Variants in ABCA6 observed in about 807,000 individuals in gnomAD.
ABCA6 encodes ATP binding cassette subfamily A member 6.
In ABCA6, 164 loss-of-function variants were observed where a neutral mutation model predicts 191.2. The ratio of observed to expected loss-of-function variants is 0.86; its 90% CI spans 0.76 to 0.98. The LOEUF (loss-of-function observed/expected upper bound fraction) is 0.98. ABCA6 is among the 50% of genes least tolerant of loss of function. ABCA6 has a pLI of 0.00. For synonymous variants in ABCA6, 636 were observed against 647.7 expected (o/e 0.98, Z 0.27); for missense variants, 1,958 against 1,894.1 (o/e 1.03, Z -0.63).
At chr17:69,140,831 G>T (rs968685511) in intron 1 of ABCA6, 83 bp from the exon 2 acceptor site, 3 of 452,674 alleles carry the variant, frequency 6.6e-6, no homozygotes, top group African/African-American at 6.1e-5. Context: ...GTGTAAACAT[G>T]AATTTAAAAT....
intron 1 of ABCA6, among the ~76,000 whole-genome samples, chr17:69,140,969 G>A (rs2074017914): frequency 6.6e-6 from 1 of 152,004 alleles, no homozygotes; most frequent in African/African-American, 2.4e-5. Flanking sequence ...TTGGAGTACT[G>A]AAATGGAAAA....
rs1488388734 is a variant in ABCA6 at position 69,100,873 on chromosome 17, T to G, written c.2936A>C (p.Asn979Thr). The G allele has an allele frequency of 6.2e-7, 1 of 1,611,534 alleles. No individual in the cohort carries two copies. Among genetic ancestry groups the G allele is most frequent in the Non-Finnish European group, 8.5e-7 (1 of 1,178,476 alleles). The change falls in exon 22 of 39, where the codon AAT (asparagine) becomes ACT (threonine). Residue 979 changes from asparagine (N) to threonine (T), a missense_variant. Asn to Thr is a moderately conservative substitution (Grantham distance 65, BLOSUM62 0). Coordinates refer to ENST00000284425, the MANE Select transcript of ABCA6 (RefSeq NM_080284.3). ...TTGAAGTAGCCCATTGCTGATAATA[T>G]TCATAAGAATTGGAAAACAGTGCAA... ...KRLHCFPILM[N>T]IISNGLLQMF...
At position 69,114,839 on chromosome 17, in the gene ABCA6, C is replaced by A; in HGVS notation, c.1705G>T (p.Asp569Tyr). ...AGGTTTTCCTTCACGGTGAGTATGT[C>A]AAATTGAACATTGAATTGAGGACAG... ...GVCPQFNVQF[D>Y]ILTVKENLSL... Residue 569 changes from aspartate to tyrosine, a missense_variant, in exon 13 of 39, where the codon GAC becomes TAC. Physicochemically the swap from Asp to Tyr is radical, Grantham distance 160. Transcript: ENST00000284425. The A allele has an allele frequency of 6.2e-7, 1 of 1,612,642 alleles. No individual in the cohort carries two copies. Among genetic ancestry groups the A allele is most frequent in the South Asian group, 1.1e-5 (1 of 90,996 alleles).
intron 23 of ABCA6, among the ~76,000 whole-genome samples, chr17:69,097,038 C>T (rs12603042): frequency 6.6e-6 from 1 of 152,142 alleles, no homozygotes; most frequent in East Asian, 1.9e-4. Context: ...ACTCATAACA[C>T]AACTTTAGCT....
At chr17:69,136,354 T>C (rs1346871168) in intron 3 of ABCA6, 104 bp from the exon 4 acceptor site, 4 of 935,276 alleles carry the variant, frequency 4.3e-6, no homozygotes, top group Non-Finnish European at 5.9e-6. Context: ...TAGACTTAAA[T>C]TAAAATCATT....
At position 69,141,821 on chromosome 17, in the gene ABCA6, C is replaced by G. The variant is rs900600414; in HGVS notation, c.-122G>C. On this transcript the variant is annotated 5_prime_UTR_variant, in exon 1 of 39. Transcript: ENST00000284425. Reference sequence around the variant, plus strand: ...CTGTTTGTCTAGGTAACGATTACAACTTCTTTATTGCTGCTTCTTCATTTT... The same window carrying G: ...CTGTTTGTCTAGGTAACGATTACAAGTTCTTTATTGCTGCTTCTTCATTTT... 6.6e-6 allele frequency: 1 copy of G among 152,058 alleles called. No homozygotes were observed. Among genetic ancestry groups the G allele is most frequent in the African/African-American group, 2.4e-5 (1 of 41,428 alleles). 9.4% of individuals were successfully genotyped at this position (152,058 alleles called of 1,614,324 possible). A position where few individuals can be genotyped will look rare whatever the true frequency, so the allele number is the denominator to read the frequency against.
chr17:69,085,420 T>TA (rs1235806423), intron 31 of ABCA6, among the ~76,000 whole-genome samples: 1 of 145,702 alleles, frequency 6.9e-6, no homozygotes, highest in Non-Finnish European at 1.5e-5. Context: ...AACTGATGAG[T>TA]AAAAGGTAAT....
rs2073568346 is a variant in ABCA6, at chr17:69,117,985, G to T, written c.1437-29C>A. ...AAATAACAAAAAGGGTGCTTACTTA[G>T]CCAACACAGAAGTGAAAATAGCACG... On this transcript the variant is annotated intron_variant, in intron 10 of 38. Coordinates refer to ENST00000284425, the MANE Select transcript of ABCA6 (RefSeq NM_080284.3). The T allele has an allele frequency of 2.6e-6, 4 of 1,522,924 alleles. No individual in the cohort carries two copies. The South Asian group carries it at 4.8e-5, about 18-fold the overall frequency. The allele number at this position is 1,522,924 out of a possible 1,614,324, so 94.3% of individuals were successfully genotyped here.
chr17:69,089,667 A>T, intron 26 of ABCA6, 125 bp from the exon 27 acceptor site: 1 of 743,020 alleles, frequency 1.3e-6, no homozygotes, highest in Non-Finnish European at 2.1e-6. Context: ...CTTTGTGTGC[A>T]CTAGTGACAA....
Position 69,096,286 on chromosome 17 carries a change from C to T in ABCA6, c.3362G>A (p.Arg1121His), listed in dbSNP as rs144019394. 5.2e-4 allele frequency: 795 copies of T among 1,527,702 alleles called. 2 individuals are homozygous for T. Among genetic ancestry groups the T allele is most frequent in the South Asian group, 1.7e-3 (131 of 75,276 alleles). 94.6% of individuals were successfully genotyped at this position (1,527,702 alleles called of 1,614,324 possible). ...FFIYMISFIF[R>H]KRRKNSGLWS... ...AAGGCCACTGTTTTTTCTCCTTTTG[C>T]GAAAAATAAATGATATCATATATAT... Residue 1121 changes from arginine (R) to histidine (H), a missense_variant, in exon 25 of 39, where the codon CGC (arginine) becomes CAC (histidine). By Grantham distance (29) the Arg-to-His change is conservative. Transcript: ENST00000284425.
intron 16 of ABCA6, 111 bp from the exon 17 acceptor site, chr17:69,111,051 G>A (rs1358323643): frequency 8.0e-6 from 8 of 1,005,996 alleles, no homozygotes; most frequent in South Asian, 2.0e-5. Flanking sequence ...TGGCTTTATG[G>A]AACAAAAAGA....
intron 11 of ABCA6, among the ~76,000 whole-genome samples, chr17:69,117,690 C>A (rs188625008): frequency 6.6e-6 from 1 of 151,814 alleles, no homozygotes; most frequent in Admixed American, 6.6e-5. Context: ...TGTATGATAC[C>A]ACTGTTATAA....
intron 17 of ABCA6, chr17:69,109,589 A>G (rs993060821): frequency 4.6e-5 from 7 of 152,180 alleles, no homozygotes; most frequent in Non-Finnish European, 8.8e-5. Context: ...ACTGCTGTCT[A>G]AAAACATAAA....
At chr17:69,117,698 T>C (rs946087838) in intron 11 of ABCA6, among the ~76,000 whole-genome samples, 200 bp downstream of exon 11, 5 of 152,084 alleles carry the variant, frequency 3.3e-5, no homozygotes, top group Non-Finnish European at 7.4e-5. Flanking sequence ...ACCACTGTTA[T>C]AAATTAATAG....
At chr17:69,136,720 G>T (rs1441402166) in intron 3 of ABCA6, among the ~76,000 whole-genome samples, 1 of 152,098 alleles carries the variant, frequency 6.6e-6, no homozygotes, top group East Asian at 1.9e-4. Flanking sequence ...GAGGATTAAA[G>T]AGTAAATAGC....
intron 1 of ABCA6, among the ~76,000 whole-genome samples, chr17:69,141,384 T>C (rs1381823290): frequency 6.6e-6 from 1 of 152,030 alleles, no homozygotes; most frequent in African/African-American, 2.4e-5. Flanking sequence ...AACTACAAAA[T>C]TAGCTTTAAA....
At chr17:69,115,168 G>A (rs1381200297) in intron 12 of ABCA6, among the ~76,000 whole-genome samples, 1 of 151,970 alleles carries the variant, frequency 6.6e-6, no homozygotes, top group African/African-American at 2.4e-5. Flanking sequence ...CATCTACCCT[G>A]AAATATCACA....
In ABCA6 at chr17:69,081,134, A is replaced by G; in HGVS notation, c.4628T>C (p.Leu1543Ser). The G allele has an allele frequency of 1.3e-6, 2 of 1,591,834 alleles. No individual in the cohort carries two copies. The highest frequency in any genetic ancestry group is 1.7e-6 in the Non-Finnish European group (2 of 1,167,980). ...TGCCACGGGCAGCTTATAGGTTAAC[A>G]AAGAGGAATACCTGAAAACAGGAAG... is the stretch of plus-strand genomic sequence containing the variant. The part of the protein sequence containing the change: ...QAAGQERYSS[L>S]LTYKLPVADV... Residue 1543 changes from leucine to serine, a missense_variant, in exon 37 of 39, where the codon TTG becomes TCG. Coordinates refer to ENST00000284425, the MANE Select transcript of ABCA6 (RefSeq NM_080284.3).
intron 34 of ABCA6, among the ~76,000 whole-genome samples, chr17:69,083,633 G>GA (rs2072696673): frequency 6.6e-6 from 1 of 152,150 alleles, no homozygotes; most frequent in Admixed American, 6.5e-5. Flanking sequence ...TGGAGATATA[G>GA]ATCAAAGGAG....
Sources: gnomAD v4.1 joint callset for allele counts (sites outside exome capture counted in the v4.1 genomes callset) on GRCh38, gnomAD v4.1.1 for gene constraint, MANE v1.5 for transcripts, NCBI Gene and HGNC (gene_info 2026-07-23, HGNC 2026-07-21) for gene names.